NCOR2: variants seen among roughly 807,000 people sequenced by gnomAD.
NCOR2 encodes CTG repeat protein 26.
In NCOR2, 81 loss-of-function variants were observed where a neutral mutation model predicts 262.9. The observed-to-expected ratio is 0.31, with a 90% CI of 0.26 to 0.37. NCOR2 has a LOEUF of 0.37. Ranked by LOEUF, NCOR2 falls within the 10% of genes least tolerant of loss-of-function variation. The probability of loss-of-function intolerance (pLI) is 1.00; values close to 1 mark genes in which losing one functional copy is unlikely to be tolerated. For missense variants in NCOR2, 3,385 were observed against 3,621.4 expected (o/e 0.93, Z 1.68); for synonymous variants, 1,659 against 1,559.3 (o/e 1.06, Z -1.51).
intron 13 of NCOR2, among the ~76,000 whole-genome samples, chr12:124,405,544 G>A (rs968072667): frequency 6.6e-6 from 1 of 152,228 alleles, no homozygotes; most frequent in African/African-American, 2.4e-5. Flanking sequence ...GTCCGGTGGG[G>A]GAAGATGAAA....
chr12:124,551,338 A>G (rs2051707580), intron 1 of NCOR2, among the ~76,000 whole-genome samples: 1 of 152,176 alleles, frequency 6.6e-6, no homozygotes, highest in African/African-American at 2.4e-5. Flanking sequence ...CGGCTCCCCC[A>G]GTAGCAAACA....
chr12:124,385,765 G>C, exon 17 of NCOR2: 2 of 1,613,890 alleles, frequency 1.2e-6, no homozygotes, highest in Non-Finnish European at 1.7e-6. Flanking sequence ...TTGTGCTGCT[G>C]CAAGATCTCA....
At chr12:124,547,908 G>T (rs980753473) in intron 1 of NCOR2, among the ~76,000 whole-genome samples, 3 of 152,138 alleles carry the variant, frequency 2.0e-5, no homozygotes, top group African/African-American at 7.2e-5. Flanking sequence ...ATTTTTATAT[G>T]AGAAAAGTGT....
upstream of NCOR2, among the ~76,000 whole-genome samples, chr12:124,498,197 A>G (rs2048478727): frequency 6.6e-6 from 1 of 152,106 alleles, no homozygotes; most frequent in African/African-American, 2.4e-5. Flanking sequence ...GAGAGGTCTC[A>G]TTTACCCACA....
chr12:124,334,683 G>A, intron 40 of NCOR2, 66 bp from the exon 43 acceptor site: 1 of 818,356 alleles, frequency 1.2e-6, no homozygotes, highest in Non-Finnish European at 1.8e-6. Flanking sequence ...TGGGGGTGGG[G>A]AGGGGCTAGA....
intron 1 of NCOR2, among the ~76,000 whole-genome samples, chr12:124,494,057 C>T (rs932325194): frequency 1.9e-4 from 29 of 152,164 alleles, no homozygotes; most frequent in African/African-American, 4.3e-4. Flanking sequence ...CTCTGCAAAG[C>T]GCCCCAGGGG....
intron 1 of NCOR2, chr12:124,513,700 A>T (rs2049548249): frequency 6.6e-6 from 1 of 152,192 alleles, no homozygotes. Context: ...GAACTAAGGT[A>T]TGTGGAATGC....
rs1461439444 is a variant in NCOR2, at chr12:124,454,962, T to C, written c.762+2144A>G. Among the ~76,000 whole-genome samples the C allele has an allele frequency of 2.0e-5, 3 of 152,114 alleles. No homozygotes were observed. The highest frequency in any genetic ancestry group is 2.9e-5 in the Non-Finnish European group (2 of 68,034). ...GACCTACCCCTACAGTGAAATATGATTCAGCCACAAAAAGGAACGAAGGAC... is the reference window on the plus strand; with the variant it reads ...GACCTACCCCTACAGTGAAATATGACTCAGCCACAAAAAGGAACGAAGGAC... On this transcript the variant is annotated intron_variant, in intron 6 of 46. Transcript: ENST00000405201. This position sits in a 1 kb window ranked among gnomAD's most constrained non-coding sequence, Gnocchi z 5.6.
chr12:124,327,014 C>T (rs945592207), intron 45 of NCOR2, among the ~76,000 whole-genome samples: 1 of 152,216 alleles, frequency 6.6e-6, no homozygotes, highest in Non-Finnish European at 1.5e-5. Flanking sequence ...GAGCACAGGC[C>T]TGGCTGCCAT....
exon 9 of NCOR2, chr12:124,430,628 C>T (rs1300797456): frequency 6.2e-7 from 1 of 1,613,076 alleles, no homozygotes; most frequent in Non-Finnish European, 8.5e-7. Flanking sequence ...TGCATGCGCT[C>T]CTGCAGCTCG....
intron 18 of NCOR2, among the ~76,000 whole-genome samples, chr12:124,377,796 G>A (rs189679853): frequency 2.7e-4 from 40 of 150,832 alleles, no homozygotes; most frequent in South Asian, 1.7e-3. Flanking sequence ...CCGTGATCAC[G>A]TCACTGCACT....
intron 4 of NCOR2, among the ~76,000 whole-genome samples, chr12:124,467,110 T>A (rs2046465915): frequency 8.4e-6 from 1 of 119,064 alleles, no homozygotes; most frequent in Admixed American, 8.8e-5. Flanking sequence ...ATCCTCGTCA[T>A]CCTCATGACC....
chr12:124,388,538 G>A (rs1593326245), intron 16 of NCOR2: 3 of 807,650 alleles, frequency 3.7e-6, no homozygotes, highest in East Asian at 1.3e-4. Context: ...GGGCATGGGG[G>A]AAAGGATGGG....
chr12:124,389,316 G>A lies in NCOR2; in HGVS notation c.1877-3429C>T, dbSNP rs2041090012. On this transcript the variant is annotated intron_variant, in intron 16 of 46. Coordinates refer to ENST00000405201, the Ensembl canonical transcript of NCOR2. This position sits in a 1 kb window ranked among gnomAD's most constrained non-coding sequence, Gnocchi z 4.4. ...TTGCTGCCTGACCCAGCGAGACGCG[G>A]CAGGACTGAATGTGACCTCCAGACG... Among the ~76,000 whole-genome samples, 1 of 152,224 alleles carries A rather than the reference G, an allele frequency of 6.6e-6. No homozygotes were observed. The highest frequency in any genetic ancestry group is 6.5e-5 in the Admixed American group (1 of 15,286).
intron 13 of NCOR2, 73 bp downstream of exon 15, chr12:124,419,884 C>T (rs540622420): frequency 7.3e-7 from 1 of 1,371,712 alleles, no homozygotes; most frequent in Non-Finnish European, 1.0e-6. Context: ...ATGCGGGGTG[C>T]TGGCCACCAA....
intron 1 of NCOR2, among the ~76,000 whole-genome samples, chr12:124,508,066 C>G (rs2049147029): frequency 6.6e-6 from 1 of 152,222 alleles, no homozygotes; most frequent in Non-Finnish European, 1.5e-5. Context: ...GTGCCAGCAG[C>G]AGCGTCCAGG....
intron 13 of NCOR2, among the ~76,000 whole-genome samples, chr12:124,406,134 A>G (rs889165725): frequency 6.6e-6 from 1 of 152,210 alleles, no homozygotes; most frequent in African/African-American, 2.4e-5. Flanking sequence ...GGGCCAGAGG[A>G]TAAGTATGCC....
chr12:124,489,278 C>G (rs2136854275), intron 1 of NCOR2, among the ~76,000 whole-genome samples: 1 of 152,302 alleles, frequency 6.6e-6, no homozygotes, highest in Non-Finnish European at 1.5e-5. Flanking sequence ...TAATACCCCA[C>G]AGTAATAAAT....
At chr12:124,341,519 G>A (rs903160429) in intron 34 of NCOR2, among the ~76,000 whole-genome samples, 1 of 152,226 alleles carries the variant, frequency 6.6e-6, no homozygotes, top group Non-Finnish European at 1.5e-5. Context: ...TTACAGGCAT[G>A]AGCCACTGTG....
Sources: allele counts gnomAD v4.1 joint callset (sites outside exome capture counted in the v4.1 genomes callset), GRCh38; gene constraint gnomAD v4.1.1; non-coding constraint Gnocchi (gnomAD v3.1); transcripts MANE v1.5; gene names NCBI Gene and HGNC (gene_info 2026-07-23, HGNC 2026-07-21).